OVCH2: variants seen among roughly 807,000 people sequenced by gnomAD.
OVCH2 encodes ovochymase-2.
A neutral mutation model predicts 73.7 loss-of-function variants in OVCH2; 88 were observed. The ratio of observed to expected loss-of-function variants is 1.19; its 90% CI spans 1.01 to 1.43. The LOEUF (loss-of-function observed/expected upper bound fraction) is 1.43. OVCH2 is among the 40% of genes most tolerant of loss of function. The pLI is 0.00. For synonymous variants in OVCH2, 265 were observed against 234.5 expected (o/e 1.13, Z -1.19); for missense variants, 706 against 674.5 (o/e 1.05, Z -0.52).
intron 4 of OVCH2, 71 bp downstream of exon 4, chr11:7,702,086 G>A (rs1401052699): frequency 7.4e-7 from 1 of 1,358,248 alleles, no homozygotes; most frequent in Non-Finnish European, 1.0e-6. Context: ...TATACTGCAG[G>A]AAATGTGCTA....
intron 12 of OVCH2, among the ~76,000 whole-genome samples, chr11:7,693,402 T>C (rs1024910895): frequency 1.3e-5 from 2 of 152,188 alleles, no homozygotes; most frequent in African/African-American, 4.8e-5. Context: ...CATATTCCTA[T>C]GACTTTTAAC....
Position 7,689,927 on chromosome 11 carries a change from A to C in OVCH2, c.*28T>G. 6.7e-7 allele frequency: 1 copy of C among 1,491,154 alleles called. No homozygotes were observed. The highest frequency in any genetic ancestry group is 9.0e-7 in the Non-Finnish European group (1 of 1,106,122). 92.4% of individuals were successfully genotyped at this position (1,491,154 alleles called of 1,614,324 possible). A position where few individuals can be genotyped will look rare whatever the true frequency, so the allele number is the denominator to read the frequency against. ...ATTGGTCCCCAAAACAGCTTACCAGAAACATTGGTTTCTCCATTTGGCACA... is the reference window on the plus strand; with the variant it reads ...ATTGGTCCCCAAAACAGCTTACCAGCAACATTGGTTTCTCCATTTGGCACA... On this transcript the variant is annotated 3_prime_UTR_variant, in exon 15 of 16. Transcript: ENST00000533663.
At position 7,694,632 on chromosome 11, in the gene OVCH2, G is replaced by GTTTTGTTTTGTTT. The variant is rs375600804; in HGVS notation, c.1413+425_1413+426insAAACAAAACAAAA. The stretch of plus-strand genomic sequence containing the variant: ...TTTTTGTTTTGTTTTGTTTTGTTTT[G>GTTTTGTTTTGTTT]TGTTTTGAGAGTTTCGCTCTTGTAG... On this transcript the variant is annotated intron_variant, in intron 12 of 15. Transcript: ENST00000533663. Among the ~76,000 whole-genome samples the GTTTTGTTTTGTTT allele has an allele frequency of 3.7e-3, 427 of 114,828 alleles. 3 individuals carry two copies. The highest frequency in any genetic ancestry group is 0.011 in the African/African-American group (378 of 34,862). 75.3% of individuals were successfully genotyped at this position (114,828 alleles called of 152,430 possible).
chr11:7,703,015 C>T (rs757707490), intron 3 of OVCH2, among the ~76,000 whole-genome samples: 4 of 152,184 alleles, frequency 2.6e-5, no homozygotes, highest in Non-Finnish European at 4.4e-5. Flanking sequence ...GTGAGATGAT[C>T]GGTTGACTCT....
downstream of OVCH2, among the ~76,000 whole-genome samples, chr11:7,685,395 T>A (rs1856131816): frequency 6.6e-6 from 1 of 152,154 alleles, no homozygotes; most frequent in Non-Finnish European, 1.5e-5. Flanking sequence ...TTGGGTGTTA[T>A]TAAGGCAATT....
chr11:7,698,431 T>G (rs2136157816), intron 8 of OVCH2, among the ~76,000 whole-genome samples: 1 of 152,246 alleles, frequency 6.6e-6, no homozygotes, highest in South Asian at 2.1e-4. Context: ...CCTATATAAG[T>G]AGGGACACTT....
intron 8 of OVCH2, among the ~76,000 whole-genome samples, chr11:7,697,403 C>A (rs764795390): frequency 6.6e-6 from 1 of 152,178 alleles, no homozygotes; most frequent in Non-Finnish European, 1.5e-5. Flanking sequence ...CAGCTTCTAG[C>A]CTTCGTCCTC....
the OVCH2 span, among the ~76,000 whole-genome samples, chr11:7,682,449 T>A: frequency 6.6e-6 from 1 of 152,252 alleles, no homozygotes; most frequent in African/African-American, 2.4e-5. Flanking sequence ...AAGTGATGCT[T>A]TTGGAGGAAG....
At chr11:7,685,682 A>G (rs1349500306), downstream of OVCH2, among the ~76,000 whole-genome samples, 2 of 97,686 alleles carry the variant, frequency 2.0e-5, no homozygotes. Flanking sequence ...CCCATACTCT[A>G]TGTTACACTA....
intron 2 of OVCH2, 37 bp from the exon 3 acceptor site, chr11:7,703,826 G>A: frequency 6.6e-7 from 1 of 1,511,742 alleles, no homozygotes; most frequent in Non-Finnish European, 9.0e-7. Context: ...GCAAGTTCAT[G>A]CCCTGGGATC....
chr11:7,701,945 G>T lies in OVCH2; in HGVS notation c.464-134C>A, dbSNP rs1565170793. On this transcript the variant is annotated intron_variant, in intron 4 of 15. Coordinates refer to ENST00000533663, the MANE Select transcript of OVCH2 (RefSeq NM_198185.7). ...TGATAGCTCTGCCTGGCACCTCCAG[G>T]GGTTACTTGTCAATTAAAGAAAACC... 7.2e-6 allele frequency: 6 copies of T among 838,034 alleles called. No individual in the cohort carries two copies. The Admixed American group carries it at 1.1e-4, about 15-fold the overall frequency. The allele number at this position is 838,034 out of a possible 1,614,324, so 51.9% of individuals were successfully genotyped here. A position where few individuals can be genotyped will look rare whatever the true frequency, so the allele number is the denominator to read the frequency against.
chr11:7,696,669 G>A (rs2136156161), intron 9 of OVCH2, 40 bp downstream of exon 9: 2 of 1,613,872 alleles, frequency 1.2e-6, no homozygotes, highest in Non-Finnish European at 1.7e-6. Flanking sequence ...CCAGACCGGA[G>A]GTGGGAGTAA....
intron 10 of OVCH2, 135 bp from the exon 11 acceptor site, chr11:7,695,845 A>G: frequency 8.2e-7 from 1 of 1,220,256 alleles, no homozygotes; most frequent in Non-Finnish European, 1.2e-6. Context: ...GTCACAATTG[A>G]CATTTTGAGC....
chr11:7,702,071 G>A (rs1265540892), intron 4 of OVCH2, 86 bp downstream of exon 4: 6 of 1,246,676 alleles, frequency 4.8e-6, no homozygotes, highest in Non-Finnish European at 6.8e-6. Context: ...GCATGACCCA[G>A]AACGTATACT....
At chr11:7,703,627 G>T in intron 3 of OVCH2, 71 bp downstream of exon 3, 11 of 1,232,630 alleles carry the variant, frequency 8.9e-6, no homozygotes, top group Non-Finnish European at 1.2e-5. Context: ...TTTTAATAGG[G>T]TTATTGCTGA....
At chr11:7,680,272 G>C in the OVCH2 span, among the ~76,000 whole-genome samples, 7,377 of 152,270 alleles carry the variant, frequency 0.048, 341 homozygotes, top group African/African-American at 0.12. Context: ...GAAATGAATT[G>C]AATTAGAGGA....
chr11:7,682,971 C>T, the OVCH2 span, among the ~76,000 whole-genome samples: 1 of 152,186 alleles, frequency 6.6e-6, no homozygotes, highest in Admixed American at 6.5e-5. Context: ...CACCAATATC[C>T]TCACATTGCT....
chr11:7,696,575 G>T lies in OVCH2; in HGVS notation c.1031C>A (p.Thr344Asn). ...YYESKQRCVW[T>N]LLVPEEMHVL... Reference sequence around the variant, plus strand: ...ATGCATTTCCTCTGGTACCAGCAGGGTCCAGACACACCGTCTGTAGGCAGA... The same window carrying T: ...ATGCATTTCCTCTGGTACCAGCAGGTTCCAGACACACCGTCTGTAGGCAGA... Residue 344 changes from threonine (T) to asparagine (N), a missense_variant, in exon 10 of 16, where the codon ACC becomes AAC. Coordinates refer to ENST00000533663, the MANE Select transcript of OVCH2 (RefSeq NM_198185.7). 1 of 1,614,014 alleles carries T rather than the reference G, an allele frequency of 6.2e-7. No homozygotes were observed. The highest frequency in any genetic ancestry group is 1.6e-4 in the Middle Eastern group (1 of 6,062).
At position 7,698,763 on chromosome 11, in the gene OVCH2, T is replaced by C; in HGVS notation, c.912A>G (p.Arg304=). The C allele has an allele frequency of 1.2e-6, 2 of 1,612,842 alleles. No individual in the cohort carries two copies. Among genetic ancestry groups the C allele is most frequent in the Non-Finnish European group, 8.5e-7 (1 of 1,179,548 alleles). Residue 304 remains arginine, a synonymous_variant, in exon 8 of 16, where the codon AGA becomes AGG. Transcript: ENST00000533663. The part of the protein sequence containing the change: ...IHEHIQTGNR[R]KSSRAWCSEQ... The stretch of plus-strand genomic sequence containing the variant: ...AGGGATACCCACCTCTGGAGCTCTT[T>C]CTCCGATTACCTGGGAAAGGAAAAG...
Sources: allele counts gnomAD v4.1 joint callset (sites outside exome capture counted in the v4.1 genomes callset), GRCh38; gene constraint gnomAD v4.1.1; transcripts MANE v1.5; gene names NCBI Gene and HGNC (gene_info 2026-07-23, HGNC 2026-07-21).